NRXN1: variants seen among roughly 807,000 people sequenced by gnomAD.
NRXN1 encodes the protein neurexin-1.
In NRXN1, 39 loss-of-function variants were observed where a neutral mutation model predicts 150.9. The ratio of observed to expected loss-of-function variants is 0.26; its 90% CI spans 0.20 to 0.34. The LOEUF (loss-of-function observed/expected upper bound fraction) is 0.34, where lower values mean the gene tolerates loss of function less well. Ranked by LOEUF, NRXN1 falls within the 10% of genes least tolerant of loss-of-function variation. The pLI is 1.00. For synonymous variants in NRXN1, 924 were observed against 757.0 expected (o/e 1.22, Z -3.62); for missense variants, 1,815 against 1,949.9 (o/e 0.93, Z 1.30).
At chr2:50,988,769 A>T (rs537227641) in intron 2 of NRXN1, among the ~76,000 whole-genome samples, 13 of 152,042 alleles carry the variant, frequency 8.6e-5, no homozygotes, top group Non-Finnish European at 1.5e-4. Flanking sequence ...CTAAGCTTCA[A>T]ATGGTTTTTC....
At chr2:50,687,692 G>C (rs969964099) in intron 5 of NRXN1, among the ~76,000 whole-genome samples, 4 of 152,204 alleles carry the variant, frequency 2.6e-5, no homozygotes, top group Admixed American at 1.3e-4. Flanking sequence ...AATATGCAGA[G>C]GCTTTTTAAA....
chr2:50,043,473 G>A (rs979398358), intron 21 of NRXN1, among the ~76,000 whole-genome samples: 1 of 152,108 alleles, frequency 6.6e-6, no homozygotes, highest in Non-Finnish European at 1.5e-5. Flanking sequence ...GGATATTAAT[G>A]GGTCCTTTTC....
chr2:50,450,724 T>C (rs1239498663), intron 17 of NRXN1, among the ~76,000 whole-genome samples: 1 of 152,178 alleles, frequency 6.6e-6, no homozygotes, highest in Non-Finnish European at 1.5e-5. Flanking sequence ...TTCCTCCAAC[T>C]GCGTTTTAGG....
At chr2:50,072,714 G>T (rs1456181529) in intron 19 of NRXN1, among the ~76,000 whole-genome samples, 1 of 151,708 alleles carries the variant, frequency 6.6e-6, no homozygotes, top group African/African-American at 2.4e-5. Context: ...GCTTATCACT[G>T]AAGAAGAATG....
At chr2:50,495,389 GTGT>G (rs1558829258) in intron 15 of NRXN1, among the ~76,000 whole-genome samples, 47 of 140,492 alleles carry the variant, frequency 3.3e-4, no homozygotes, top group African/African-American at 1.3e-3. Flanking sequence ...TGGTGTGTGT[GTGT>G]GTGTGTGTGT....
At chr2:50,438,440 G>C (rs142004142) in intron 17 of NRXN1, among the ~76,000 whole-genome samples, 1,678 of 152,264 alleles carry the variant, frequency 0.011, 30 homozygotes, top group African/African-American at 0.038. Context: ...ACTGGAACTG[G>C]GGGGAGTGGA....
Position 50,298,622 on chromosome 2 carries a change from G to A in NRXN1, c.3365-61652C>T, listed in dbSNP as rs116549751. ...TCCACCACTTCTTTCCTTCCCAAGA[G>A]GGAGATTCTCTCTAATCTCAGGAAA... On this transcript the variant is annotated intron_variant, in intron 17 of 22. Transcript: ENST00000401669. 5.0e-3 allele frequency among the ~76,000 whole-genome samples: 766 copies of A among 152,080 alleles called. 9 individuals carry two copies. Among genetic ancestry groups the A allele is most frequent in the African/African-American group, 0.018 (727 of 41,482 alleles).
chr2:50,390,502 T>C (rs1050610524), intron 17 of NRXN1, among the ~76,000 whole-genome samples: 3 of 152,216 alleles, frequency 2.0e-5, no homozygotes, highest in Non-Finnish European at 4.4e-5. Flanking sequence ...TGTGTAACTG[T>C]ACTATTGCTA....
chr2:50,967,116 T>C (rs78891421), intron 2 of NRXN1, among the ~76,000 whole-genome samples: 2,345 of 152,028 alleles, frequency 0.015, 50 homozygotes, highest in African/African-American at 0.053. Flanking sequence ...ATTTTTTAAA[T>C]TTCTCCTCCA....
intron 17 of NRXN1, among the ~76,000 whole-genome samples, chr2:50,259,110 G>C (rs909913053): frequency 2.0e-5 from 3 of 151,924 alleles, no homozygotes; most frequent in African/African-American, 7.2e-5. Flanking sequence ...CCCTAAAAGA[G>C]AGTCAGCCTG....
In NRXN1 at chr2:50,339,077, C is replaced by T. The variant is rs6755595; in HGVS notation, c.3365-102107G>A. ...CCACATAAATAATTACATGTACCAT[C>T]GTTAGTCCAATGGCAACCCAGATAA... On this transcript the variant is annotated intron_variant, in intron 17 of 22. Coordinates refer to ENST00000401669, the MANE Select transcript of NRXN1 (RefSeq NM_001330078.2). Among the ~76,000 whole-genome samples, 1,406 of 152,242 alleles carry T rather than the reference C, an allele frequency of 9.2e-3. 25 individuals carry two copies. Among genetic ancestry groups the T allele is most frequent in the African/African-American group, 0.032 (1,329 of 41,544 alleles).
intron 5 of NRXN1, among the ~76,000 whole-genome samples, chr2:50,828,128 C>T (rs991887054): frequency 6.6e-6 from 1 of 151,942 alleles, no homozygotes; most frequent in African/African-American, 2.4e-5. Context: ...GGGTACCCCT[C>T]CCAGACGGGG....
chr2:50,607,274 G>T (rs887391823), intron 8 of NRXN1, among the ~76,000 whole-genome samples: 11 of 152,076 alleles, frequency 7.2e-5, no homozygotes, highest in African/African-American at 2.2e-4. Context: ...TGGAAATAAT[G>T]ATGTTTCTAC....
chr2:50,828,946 A>T (rs1670959716), intron 5 of NRXN1, among the ~76,000 whole-genome samples: 1 of 152,224 alleles, frequency 6.6e-6, no homozygotes, highest in South Asian at 2.1e-4. Flanking sequence ...ACCATTGAGC[A>T]CTGAGTGAAC....
Position 51,026,007 on chromosome 2 carries a change from T to A in NRXN1, c.772+1495A>T, listed in dbSNP as rs551204008. Among the ~76,000 whole-genome samples the A allele has an allele frequency of 1.7e-4, 24 of 144,442 alleles. No homozygotes were observed. In the East Asian group the frequency reaches 4.4e-3, roughly 27 times the overall value. The allele number at this position is 144,442 out of a possible 152,430, so 94.8% of individuals were successfully genotyped here. On this transcript the variant is annotated intron_variant, in intron 2 of 22. Transcript: ENST00000401669. ...GCTACAGAAGTCTCCTAAAGACCAG[T>A]TTTTTTTCTTCCTAACTAACTCTCC...
chr2:50,230,411 A>T (rs920399593), intron 18 of NRXN1, among the ~76,000 whole-genome samples: 3 of 152,062 alleles, frequency 2.0e-5, no homozygotes, highest in Non-Finnish European at 4.4e-5. Flanking sequence ...TAGGTACAGA[A>T]TTTGCCTTTA....
At chr2:50,357,956 T>C (rs565405452) in intron 17 of NRXN1, among the ~76,000 whole-genome samples, 5 of 152,004 alleles carry the variant, frequency 3.3e-5, no homozygotes, top group Non-Finnish European at 7.4e-5. Flanking sequence ...GGGCGTCACA[T>C]GACCCAGGAA....
intron 21 of NRXN1, among the ~76,000 whole-genome samples, chr2:50,013,378 C>T (rs1573405684): frequency 6.7e-6 from 1 of 148,420 alleles, no homozygotes; most frequent in South Asian, 2.2e-4. Context: ...GCTTCGTAAA[C>T]TCCCAAGTTA....
intron 21 of NRXN1, among the ~76,000 whole-genome samples, chr2:49,993,881 T>C (rs548988528): frequency 6.6e-6 from 1 of 152,334 alleles, no homozygotes; most frequent in South Asian, 2.1e-4. Context: ...AATGGTACAT[T>C]TGTATCTCTT....
Sources: gnomAD v4.1 joint callset for allele counts (sites outside exome capture counted in the v4.1 genomes callset) on GRCh38, gnomAD v4.1.1 for gene constraint, MANE v1.5 for transcripts, NCBI Gene and HGNC (gene_info 2026-07-23, HGNC 2026-07-21) for gene names.